GLIS3: variants seen among roughly 807,000 people sequenced by gnomAD.
GLIS3 encodes the protein zinc finger protein GLIS3.
In GLIS3, 53 loss-of-function variants were observed where a neutral mutation model predicts 78.6. That is an observed-to-expected ratio of 0.67 (90% confidence interval 0.54 to 0.85). GLIS3 has a LOEUF of 0.85. Among genes scored for constraint, GLIS3 ranks in the 40% least tolerant of loss-of-function variants. The pLI, the probability that GLIS3 is intolerant of heterozygous loss-of-function variation, is 0.00. For synonymous variants in GLIS3, 684 were observed against 509.9 expected, an observed-to-expected ratio of 1.34 and a Z score of -4.60; for missense variants, 1,703 against 1,231.1, an observed-to-expected ratio of 1.38 and a Z score of -5.74.
chr9:4,323,886 C>T (rs1817569780), intron 2 of GLIS3, among the ~76,000 whole-genome samples: 2 of 152,194 alleles, frequency 1.3e-5, no homozygotes, highest in African/African-American at 2.4e-5. Context: ...GTACATCTAA[C>T]TAAACATATT....
chr9:3,976,669 A>G (rs1171808434), intron 4 of GLIS3, among the ~76,000 whole-genome samples: 1 of 151,658 alleles, frequency 6.6e-6, no homozygotes, highest in Non-Finnish European at 1.5e-5. Flanking sequence ...TAAGGCTGCA[A>G]GAGCCAGAAG....
intron 3 of GLIS3, among the ~76,000 whole-genome samples, chr9:4,120,916 C>T (rs188340461): frequency 2.1e-3 from 314 of 152,310 alleles, no homozygotes; most frequent in Middle Eastern, 0.01. Flanking sequence ...TTCATTTGCT[C>T]CACTGTTGAG....
At chr9:3,841,850 T>C (rs62521411) in intron 9 of GLIS3, among the ~76,000 whole-genome samples, 27,651 of 152,208 alleles carry the variant, frequency 0.18, 3,024 homozygotes, top group Non-Finnish European at 0.23. Flanking sequence ...TGTCTCATTA[T>C]AAGCCTGGTG....
chr9:4,235,984 G>A (rs923534449), intron 2 of GLIS3, among the ~76,000 whole-genome samples: 1 of 151,946 alleles, frequency 6.6e-6, no homozygotes, highest in African/African-American at 2.4e-5. Flanking sequence ...TTCTGAGTAT[G>A]GCTCAAGCTG....
the GLIS3 span, among the ~76,000 whole-genome samples, chr9:4,461,250 G>T: frequency 2.6e-5 from 4 of 152,126 alleles, no homozygotes; most frequent in African/African-American, 9.7e-5. Flanking sequence ...ATGGGTATTT[G>T]TATGTCAGCC....
chr9:4,436,167 C>G, the GLIS3 span, among the ~76,000 whole-genome samples: 1 of 151,916 alleles, frequency 6.6e-6, no homozygotes, highest in Non-Finnish European at 1.5e-5. Context: ...AACATAGTTA[C>G]AGATATGAAG....
chr9:4,026,929 G>A (rs1384379058), intron 4 of GLIS3, among the ~76,000 whole-genome samples: 1 of 152,186 alleles, frequency 6.6e-6, no homozygotes, highest in African/African-American at 2.4e-5. Context: ...CACCTGAGAG[G>A]AGGTGGGGCT....
the GLIS3 span, among the ~76,000 whole-genome samples, chr9:4,416,320 A>G: frequency 6.6e-6 from 1 of 150,986 alleles, no homozygotes; most frequent in East Asian, 1.9e-4. Context: ...AAAAATTACA[A>G]CTGTTCCATC....
rs185429963 is a variant in GLIS3, at chr9:3,891,674, C to T, written c.2128+7017G>A. On this transcript the variant is annotated intron_variant, in intron 7 of 10. Coordinates refer to ENST00000381971, the MANE Select transcript of GLIS3 (RefSeq NM_001042413.2). Reference sequence around the variant, plus strand: ...CTATGATCATGCCACTGCACTCTAGCGTGAGTGGCAAAGCAAGATCCTGTC... The same window carrying T: ...CTATGATCATGCCACTGCACTCTAGTGTGAGTGGCAAAGCAAGATCCTGTC... Among the ~76,000 whole-genome samples the T allele has an allele frequency of 1.4e-3, 215 of 152,270 alleles. 4 individuals are homozygous for T. The highest frequency in any genetic ancestry group is 0.013 in the Admixed American group (203 of 15,284).
chr9:4,026,274 C>G (rs139907508), intron 4 of GLIS3, among the ~76,000 whole-genome samples: 16 of 152,282 alleles, frequency 1.1e-4, no homozygotes, highest in African/African-American at 3.6e-4. Flanking sequence ...GACTACAGAC[C>G]AGTCTCAATC....
At chr9:4,297,506 C>T (rs555739608) in intron 1 of GLIS3, among the ~76,000 whole-genome samples, 1 of 152,200 alleles carries the variant, frequency 6.6e-6, no homozygotes, top group Non-Finnish European at 1.5e-5. Flanking sequence ...TTCTCACAAA[C>T]TCCAGGGCCC....
chr9:4,327,128 T>C (rs762185447), intron 2 of GLIS3, among the ~76,000 whole-genome samples: 17 of 151,966 alleles, frequency 1.1e-4, no homozygotes, highest in Non-Finnish European at 1.8e-4. Context: ...GAGAGAAAGA[T>C]TGATTGAGAG....
chr9:4,235,536 G>C (rs945136596), intron 2 of GLIS3, among the ~76,000 whole-genome samples: 10 of 152,172 alleles, frequency 6.6e-5, no homozygotes, highest in African/African-American at 2.4e-4. Context: ...GCCAAACAGA[G>C]CAGAAGAATT....
the GLIS3 span, among the ~76,000 whole-genome samples, chr9:4,392,320 T>C: frequency 6.6e-6 from 1 of 152,086 alleles, no homozygotes; most frequent in Non-Finnish European, 1.5e-5. Flanking sequence ...GACGGGTTGA[T>C]AGGTGCTGCA....
At chr9:4,333,395 G>C (rs993500556) in intron 2 of GLIS3, among the ~76,000 whole-genome samples, 1 of 151,398 alleles carries the variant, frequency 6.6e-6, no homozygotes, top group Non-Finnish European at 1.5e-5. Flanking sequence ...GAGAGGGAAA[G>C]AAAGAAAGAA....
At chr9:4,449,883 T>A in the GLIS3 span, among the ~76,000 whole-genome samples, 12 of 152,100 alleles carry the variant, frequency 7.9e-5, no homozygotes, top group African/African-American at 2.9e-4. Context: ...ACCACAAAGA[T>A]GGGGAGAAAC....
chr9:3,876,601 A>G (rs535487197), intron 8 of GLIS3, among the ~76,000 whole-genome samples: 6 of 132,452 alleles, frequency 4.5e-5, no homozygotes, highest in Admixed American at 1.6e-4. Flanking sequence ...TGGTTCTGCA[A>G]CAATAGGCAG....
intron 4 of GLIS3, among the ~76,000 whole-genome samples, chr9:4,091,094 C>A (rs1477236970): frequency 1.3e-5 from 2 of 152,106 alleles, no homozygotes; most frequent in Admixed American, 1.3e-4. Flanking sequence ...GTGGCTCATG[C>A]CTGTAATCCC....
chr9:4,313,107 C>A (rs1301838963), intron 2 of GLIS3, among the ~76,000 whole-genome samples: 1 of 152,216 alleles, frequency 6.6e-6, no homozygotes, highest in Non-Finnish European at 1.5e-5. Flanking sequence ...ATTCCACATA[C>A]CTGTGTAACA....
Sources: gnomAD v4.1 joint callset for allele counts (sites outside exome capture counted in the v4.1 genomes callset) on GRCh38, gnomAD v4.1.1 for gene constraint, MANE v1.5 for transcripts, NCBI Gene and HGNC (gene_info 2026-07-23, HGNC 2026-07-21) for gene names.